NTM: variants seen among roughly 807,000 people sequenced by gnomAD.
NTM encodes IgLON family member 2.
Under a neutral mutation model 42.1 loss-of-function variants are expected in NTM, and 13 were observed. The ratio of observed to expected loss-of-function variants is 0.31; its 90% CI spans 0.20 to 0.49. NTM has a LOEUF of 0.49. Among genes scored for constraint, NTM ranks in the 20% least tolerant of loss-of-function variants. The pLI is 0.99. For missense variants in NTM, 373 were observed against 452.8 expected (o/e 0.82, Z 1.60); for synonymous variants, 187 against 179.2 (o/e 1.04, Z -0.35).
intron 2 of NTM, among the ~76,000 whole-genome samples, chr11:132,117,763 A>G (rs2064112824): frequency 6.6e-6 from 1 of 152,218 alleles, no homozygotes; most frequent in Admixed American, 6.5e-5. Flanking sequence ...TTAGCACTTA[A>G]AAAATACTTT....
At chr11:131,739,343 T>C (rs2080886152) in intron 1 of NTM, among the ~76,000 whole-genome samples, 2 of 152,188 alleles carry the variant, frequency 1.3e-5, no homozygotes, top group Admixed American at 1.3e-4. Context: ...ATGAGTATTA[T>C]AAGTCAGTTA....
chr11:131,953,773 T>A (rs12808320), intron 2 of NTM, among the ~76,000 whole-genome samples: 21,517 of 151,912 alleles, frequency 0.14, 1,651 homozygotes, highest in East Asian at 0.21. Context: ...AAAAAGAAAT[T>A]GTTGGCAAGC....
At chr11:132,125,729 T>TGTG (rs796228781) in intron 2 of NTM, among the ~76,000 whole-genome samples, 3 of 204 alleles carry the variant, frequency 0.015, no homozygotes, top group Non-Finnish European at 0.031. Flanking sequence ...GTGTGTGATG[T>TGTG]GTGTGTGGTA....
intron 3 of NTM, among the ~76,000 whole-genome samples, chr11:132,194,952 A>C (rs1177151892): frequency 1.3e-5 from 2 of 150,786 alleles, no homozygotes; most frequent in African/African-American, 2.4e-5. Flanking sequence ...CCTCTTGAGT[A>C]GCTGGGATTA....
intron 2 of NTM, among the ~76,000 whole-genome samples, chr11:132,085,412 A>G (rs186234516): frequency 1.3e-3 from 194 of 152,346 alleles, no homozygotes; most frequent in African/African-American, 4.5e-3. Flanking sequence ...GGCCTTAACA[A>G]TTGTGAAGCA....
At chr11:132,234,936 T>C (rs1365703622) in intron 4 of NTM, among the ~76,000 whole-genome samples, 1 of 152,272 alleles carries the variant, frequency 6.6e-6, no homozygotes, top group African/African-American at 2.4e-5. Flanking sequence ...CAGTAAGATA[T>C]GTTTAGCTGA....
intron 1 of NTM, among the ~76,000 whole-genome samples, chr11:131,792,471 GATCA>G (rs911462608): frequency 2.0e-5 from 3 of 152,088 alleles, no homozygotes; most frequent in African/African-American, 7.2e-5. Context: ...AGCTGGGATA[GATCA>G]ATCAAATTCC....
intron 1 of NTM, among the ~76,000 whole-genome samples, chr11:131,724,370 C>T (rs1044676436): frequency 7.9e-5 from 12 of 152,144 alleles, no homozygotes; most frequent in Non-Finnish European, 2.9e-5. Flanking sequence ...TTATTAAAAA[C>T]ACATATTGCC....
chr11:131,579,777 G>A (rs1348678515), intron 1 of NTM, among the ~76,000 whole-genome samples: 1 of 152,188 alleles, frequency 6.6e-6, no homozygotes, highest in East Asian at 1.9e-4. Flanking sequence ...CCACGGCTGG[G>A]AAAATGTGCT....
At chr11:131,468,786 C>A (rs1304330350) in intron 1 of NTM, among the ~76,000 whole-genome samples, 1 of 152,182 alleles carries the variant, frequency 6.6e-6, no homozygotes, top group African/African-American at 2.4e-5. Flanking sequence ...GAGGTGCAAG[C>A]AGCTTTTTCC....
intron 1 of NTM, among the ~76,000 whole-genome samples, chr11:131,866,608 C>G (rs1044621215): frequency 6.6e-6 from 1 of 152,260 alleles, no homozygotes; most frequent in Non-Finnish European, 1.5e-5. Flanking sequence ...ACTAAAAATA[C>G]CTGCGCCCTC....
At chr11:132,325,592 T>C (rs2095662214) in intron 7 of NTM, among the ~76,000 whole-genome samples, 1 of 151,944 alleles carries the variant, frequency 6.6e-6, no homozygotes, top group African/African-American at 2.4e-5. Flanking sequence ...GTTCAACCAT[T>C]GTGGAAGTCA....
chr11:132,210,384 G>A (rs1371718326), intron 3 of NTM, among the ~76,000 whole-genome samples: 1 of 152,194 alleles, frequency 6.6e-6, no homozygotes, highest in Non-Finnish European at 1.5e-5. Flanking sequence ...AGGTTGGGAA[G>A]GTGGTTCCCT....
chr11:131,758,159 C>T (rs1193098794), intron 1 of NTM, among the ~76,000 whole-genome samples: 2 of 152,246 alleles, frequency 1.3e-5, no homozygotes, highest in East Asian at 1.9e-4. Flanking sequence ...ACTCTATCCT[C>T]GTCGGTGGCC....
chr11:131,622,718 T>G lies in NTM; in HGVS notation c.82+251830T>G, dbSNP rs561837320. ...GCCACTGTTTTCGGTCATGTTCTGTTGCAGGCAGGATGAGACAGTAGAGAT... is the reference window on the plus strand; with the variant it reads ...GCCACTGTTTTCGGTCATGTTCTGTGGCAGGCAGGATGAGACAGTAGAGAT... On this transcript the variant is annotated intron_variant, in intron 1 of 8. Transcript: ENST00000683400. Among the ~76,000 whole-genome samples the G allele has an allele frequency of 2.0e-5, 3 of 152,302 alleles. No homozygotes were observed. In the South Asian group the frequency reaches 6.2e-4, roughly 32 times the overall value.
At chr11:132,253,644 C>G (rs1054108148) in intron 4 of NTM, among the ~76,000 whole-genome samples, 4 of 152,216 alleles carry the variant, frequency 2.6e-5, no homozygotes, top group African/African-American at 9.6e-5. Context: ...ATGACTTGCT[C>G]AGGCTCACGT....
intron 2 of NTM, among the ~76,000 whole-genome samples, chr11:132,018,720 A>G (rs2073848356): frequency 6.6e-6 from 1 of 151,936 alleles, no homozygotes. Flanking sequence ...ATATTGGATG[A>G]CCCTAGACTC....
intron 1 of NTM, among the ~76,000 whole-genome samples, chr11:131,374,045 G>A (rs1338231967): frequency 6.6e-6 from 1 of 152,204 alleles, no homozygotes; most frequent in African/African-American, 2.4e-5. Flanking sequence ...ATTCAGGGGT[G>A]GCAGACGAGA....
In NTM at chr11:132,335,277, C is replaced by A; in HGVS notation, c.*131C>A. The A allele has an allele frequency of 3.0e-5, 29 of 971,892 alleles. No individual in the cohort carries two copies. The highest frequency in any genetic ancestry group is 7.6e-5 in the South Asian group (4 of 52,910). The allele number at this position is 971,892 out of a possible 1,614,324, so 60.2% of individuals were successfully genotyped here. ...TTAGAAGAAACACAGCCTCATGGGA[C>A]AGAAATTTGAGGGAGGGGAACAAAG... On this transcript the variant is annotated 3_prime_UTR_variant, in exon 9 of 9. Transcript: ENST00000683400.
Sources: gnomAD v4.1 joint callset for allele counts (sites outside exome capture counted in the v4.1 genomes callset) on GRCh38, gnomAD v4.1.1 for gene constraint, MANE v1.5 for transcripts, NCBI Gene and HGNC (gene_info 2026-07-23, HGNC 2026-07-21) for gene names.